NRCAM: variants seen among roughly 807,000 people sequenced by gnomAD.
NRCAM encodes the protein NgCAM-related cell adhesion molecule.
NRCAM carries 83 observed loss-of-function variants against 156.5 expected under a neutral mutation model. The observed-to-expected ratio is 0.53, with a 90% CI of 0.44 to 0.64. NRCAM has a LOEUF of 0.64. NRCAM is among the 30% of genes least tolerant of loss of function. The pLI, the probability that NRCAM is intolerant of heterozygous loss-of-function variation, is 0.00. For missense variants in NRCAM, 1,417 were observed against 1,597.3 expected (o/e 0.89, Z 1.92); for synonymous variants, 538 against 563.9 (o/e 0.95, Z 0.65).
At position 108,393,559 on chromosome 7, in the gene NRCAM, C is replaced by T. The variant is rs185526457; in HGVS notation, c.-174+5877G>A. ...GGTGAGGTGATGCCTCACCTTGCTT[C>T]GGCTCTCACTCAGTGGGCTGCACCC... On this transcript the variant is annotated intron_variant, in intron 2 of 32. Transcript: ENST00000379028. Among the ~76,000 whole-genome samples, 616 of 152,198 alleles carry T rather than the reference C, an allele frequency of 4.0e-3. 3 individuals are homozygous for T. Among genetic ancestry groups the T allele is most frequent in the African/African-American group, 0.014 (563 of 41,512 alleles).
At chr7:108,335,439 T>TTTTTTTTTTTTTTTTTTTTTTG in intron 2 of NRCAM, among the ~76,000 whole-genome samples, 1 of 132,178 alleles carries the variant, frequency 7.6e-6, no homozygotes, top group Non-Finnish European at 1.6e-5. Flanking sequence ...ACCTGCTTTT[T>TTTTTTTTTTTTTTTTTTTTTTG]TTTTTTTTTT....
intron 22 of NRCAM, among the ~76,000 whole-genome samples, chr7:108,183,959 C>G (rs1255359440): frequency 6.6e-6 from 1 of 152,134 alleles, no homozygotes; most frequent in African/African-American, 2.4e-5. Context: ...TTACTCCCAT[C>G]ATACAGCTGC....
At chr7:108,168,973 C>A (rs2056757033) in intron 28 of NRCAM, among the ~76,000 whole-genome samples, 3 of 152,118 alleles carry the variant, frequency 2.0e-5, no homozygotes, top group Non-Finnish European at 2.9e-5. Context: ...GAAATCCCTG[C>A]TTTAGAGAAT....
At chr7:108,152,258 C>T (rs1420794435) in intron 32 of NRCAM, among the ~76,000 whole-genome samples, 1 of 151,894 alleles carries the variant, frequency 6.6e-6, no homozygotes, top group Non-Finnish European at 1.5e-5. Context: ...CCTCATCAAG[C>T]AGTAATATCT....
chr7:108,237,527 G>A (rs2095175944), intron 5 of NRCAM, among the ~76,000 whole-genome samples: 1 of 152,116 alleles, frequency 6.6e-6, no homozygotes, highest in Non-Finnish European at 1.5e-5. Context: ...GCAGCACACT[G>A]GTAAAAGAAA....
chr7:108,264,223 G>A (rs752393240), intron 3 of NRCAM, among the ~76,000 whole-genome samples: 3 of 152,172 alleles, frequency 2.0e-5, no homozygotes, highest in African/African-American at 4.8e-5. Flanking sequence ...TGATCTGCCC[G>A]CTTTGGCTTC....
chr7:108,412,292 T>C (rs1796366030), intron 1 of NRCAM, among the ~76,000 whole-genome samples: 1 of 151,424 alleles, frequency 6.6e-6, no homozygotes, highest in East Asian at 1.9e-4. Context: ...TGAAGCTAAA[T>C]TATCACAGCA....
In NRCAM at chr7:108,160,380, G is replaced by A; in HGVS notation, c.3579C>T (p.Asn1193=). Residue 1193 remains asparagine, a synonymous_variant, in exon 31 of 33, where the codon AAC becomes AAT. Coordinates refer to ENST00000379028, the MANE Select transcript of NRCAM (RefSeq NM_001037132.4). Reference sequence around the variant, plus strand: ...TCTTACCTGGATATTTACCACCCTTGTTTCTTCTGATGAAGCAAACAATCA... The same window carrying A: ...TCTTACCTGGATATTTACCACCCTTATTTCTTCTGATGAAGCAAACAATCA... ...ILLIVCFIRR[N]KGGKYPVKEK... is the part of the protein sequence containing the mutation. The A allele has an allele frequency of 6.8e-6, 11 of 1,613,226 alleles. No homozygotes were observed. Among genetic ancestry groups the A allele is most frequent in the Non-Finnish European group, 9.3e-6 (11 of 1,179,430 alleles).
rs1856337966 is a variant in NRCAM, at chr7:108,455,658, G to GC, written c.-332+584dup. On this transcript the variant is annotated intron_variant, in intron 1 of 32. Transcript: ENST00000379028. The stretch of plus-strand genomic sequence containing the variant: ...CGACTGGAGAAGCGAAGTCGGCCTC[G>GC]CCCCCGAACTCCGTGGTCAGCACAG... Among the ~76,000 whole-genome samples, 6 of 152,148 alleles carry GC rather than the reference G, an allele frequency of 3.9e-5. No individual in the cohort carries two copies. The South Asian group carries it at 1.2e-3, about 31-fold the overall frequency.
chr7:108,361,883 C>G lies in NRCAM; in HGVS notation c.-174+37553G>C, dbSNP rs554794039. On this transcript the variant is annotated intron_variant, in intron 2 of 32. Transcript: ENST00000379028. ...TGTATTATATACGTATATATTTATA[C>G]CTCCTATTGGCCTTACTTCTCTGTA... Among the ~76,000 whole-genome samples the G allele has an allele frequency of 2.2e-5, 3 of 137,974 alleles. No individual in the cohort carries two copies. In the South Asian group the frequency reaches 7.2e-4, roughly 33 times the overall value. 90.5% of individuals were successfully genotyped at this position (137,974 alleles called of 152,430 possible).
At chr7:108,202,775 G>A (rs921204646) in intron 13 of NRCAM, among the ~76,000 whole-genome samples, 37 of 152,256 alleles carry the variant, frequency 2.4e-4, no homozygotes, top group Non-Finnish European at 3.8e-4. Flanking sequence ...ATGTCACAGT[G>A]CCAGGAAGAG....
At position 108,370,051 on chromosome 7, in the gene NRCAM, A is replaced by C. The variant is rs1297024849; in HGVS notation, c.-174+29385T>G. Among the ~76,000 whole-genome samples, 3 of 152,196 alleles carry C rather than the reference A, an allele frequency of 2.0e-5. No homozygotes were observed. In the East Asian group the frequency reaches 5.8e-4, roughly 29 times the overall value. On this transcript the variant is annotated intron_variant, in intron 2 of 32. Coordinates refer to ENST00000379028, the MANE Select transcript of NRCAM (RefSeq NM_001037132.4). ...AAAATATTCGGTAATAGAATCATTC[A>C]TTCTGATGAAACTGCTGACCTATTT... is the stretch of plus-strand genomic sequence containing the variant.
chr7:108,359,944 A>G (rs1388893901), intron 2 of NRCAM, among the ~76,000 whole-genome samples: 1 of 152,226 alleles, frequency 6.6e-6, no homozygotes. Context: ...CTTGAACTTC[A>G]TAACAATGCT....
In NRCAM at chr7:108,234,632, G is replaced by A. The variant is rs1371371603; in HGVS notation, c.181C>T (p.Arg61Trp). 1.7e-5 allele frequency: 27 copies of A among 1,612,958 alleles called. No homozygotes were observed. The highest frequency in any genetic ancestry group is 4.5e-5 in the East Asian group (2 of 44,870). The change falls in exon 6 of 33, where the codon CGG becomes TGG. Residue 61 changes from arginine to tryptophan, a missense_variant. This residue lies in a region of NRCAM where 1,238 missense variants were observed against 1,336.4 expected (regional missense o/e 0.93). Transcript: ENST00000379028. Reference sequence around the variant, plus strand: ...TCACACTGGATTACAATATTCTCCCGAGGGTCAATAATGTAATCTTTTGGA... The same window carrying A: ...TCACACTGGATTACAATATTCTCCCAAGGGTCAATAATGTAATCTTTTGGA... ...QSPKDYIIDP[R>W]ENIVIQCEAK...
At chr7:108,413,477 C>A (rs1231981832) in intron 1 of NRCAM, among the ~76,000 whole-genome samples, 1 of 152,108 alleles carries the variant, frequency 6.6e-6, no homozygotes, top group Non-Finnish European at 1.5e-5. Flanking sequence ...TTCCAAATAA[C>A]CCTTTCCTCT....
At chr7:108,227,437 TAGAC>T (rs1417737576) in intron 8 of NRCAM, among the ~76,000 whole-genome samples, 5 of 152,222 alleles carry the variant, frequency 3.3e-5, no homozygotes, top group Non-Finnish European at 7.3e-5. Context: ...CCCATCACCT[TAGAC>T]AGTTACGATT....
chr7:108,377,761 AC>A (rs542870338), intron 2 of NRCAM, among the ~76,000 whole-genome samples: 260 of 152,318 alleles, frequency 1.7e-3, no homozygotes, highest in African/African-American at 6.0e-3. Flanking sequence ...ATAACAGACT[AC>A]ACATTCTGAA....
At chr7:108,244,454 T>G (rs1052828524) in intron 3 of NRCAM, among the ~76,000 whole-genome samples, 1 of 152,154 alleles carries the variant, frequency 6.6e-6, no homozygotes, top group Non-Finnish European at 1.5e-5. Context: ...ATATTTATCT[T>G]AAGGAAGAAG....
intron 2 of NRCAM, among the ~76,000 whole-genome samples, chr7:108,393,901 C>A (rs192239367): frequency 6.6e-6 from 1 of 152,192 alleles, no homozygotes; most frequent in Non-Finnish European, 1.5e-5. Flanking sequence ...TCAGGTTTCT[C>A]TGGAACCAGG....
Sources: allele counts gnomAD v4.1 joint callset (sites outside exome capture counted in the v4.1 genomes callset), GRCh38; gene constraint gnomAD v4.1.1; regional missense constraint gnomAD v4.1.1; transcripts MANE v1.5; gene names NCBI Gene and HGNC (gene_info 2026-07-23, HGNC 2026-07-21).